SOHLH2: variants seen among roughly 807,000 people sequenced by gnomAD.
The protein encoded by SOHLH2 is spermatogenesis and oogenesis specific basic helix-loop-helix 2.
In SOHLH2, 22 loss-of-function variants were observed where a neutral mutation model predicts 50.4. The ratio of observed to expected loss-of-function variants is 0.44; its 90% confidence interval spans 0.31 to 0.62. The LOEUF (loss-of-function observed/expected upper bound fraction) is 0.62. Ranked by LOEUF, SOHLH2 falls within the 20% of genes least tolerant of loss-of-function variation. The pLI, the probability that SOHLH2 is intolerant of heterozygous loss-of-function variation, is 0.08. For missense variants in SOHLH2, 412 were observed against 504.4 expected (o/e 0.82, Z 1.76); for synonymous variants, 185 against 187.3 (o/e 0.99, Z 0.10).
Position 36,189,935 on chromosome 13 carries a change from T to C in SOHLH2, c.641+11A>G, listed in dbSNP as rs1887527668. The C allele has an allele frequency of 6.3e-7, 1 of 1,582,968 alleles. No individual in the cohort carries two copies. Among genetic ancestry groups the C allele is most frequent in the Non-Finnish European group, 8.6e-7 (1 of 1,165,122 alleles). On this transcript the variant is annotated intron_variant, in intron 6 of 10. Transcript: ENST00000379881. ...AGAATAATGCTTAAAAAGTGCTATATTAAAATTCACCTTCTTAGTTTTTCC... is the reference window on the plus strand; with the variant it reads ...AGAATAATGCTTAAAAAGTGCTATACTAAAATTCACCTTCTTAGTTTTTCC...
chr13:36,191,080 A>G (rs1480124408), intron 5 of SOHLH2, among the ~76,000 whole-genome samples: 1 of 152,172 alleles, frequency 6.6e-6, no homozygotes, highest in Non-Finnish European at 1.5e-5. Context: ...CTTGGAAATC[A>G]GCTTAAAGTG....
intron 5 of SOHLH2, among the ~76,000 whole-genome samples, chr13:36,190,372 A>G (rs978846786): frequency 1.3e-5 from 2 of 152,222 alleles, no homozygotes; most frequent in African/African-American, 4.8e-5. Flanking sequence ...ATATTATATG[A>G]CTATGCACCC....
chr13:36,210,561 T>G (rs1291253785), intron 1 of SOHLH2, among the ~76,000 whole-genome samples: 1 of 152,188 alleles, frequency 6.6e-6, no homozygotes, highest in African/African-American at 2.4e-5. Flanking sequence ...CCTGCCTTCT[T>G]ATTTTTCCAT....
At position 36,191,804 on chromosome 13, in the gene SOHLH2, AG is replaced by A. The variant is rs1787324062; in HGVS notation, c.520del (p.Leu174TyrfsTer8). ...AGAACAAAAAACTAACCAGGCAAAT[AG>A]ATCAGTAGGAAAATATCCCAGGTGT... ...SEHLGYFPTD[L>X]FACSESLRNG... is the part of the protein sequence containing the mutation. On this transcript the variant is annotated frameshift_variant, in exon 5 of 11. Coordinates refer to ENST00000379881, the MANE Select transcript of SOHLH2 (RefSeq NM_017826.3). LOFTEE classifies it high-confidence loss of function. The A allele has an allele frequency of 6.2e-7, 1 of 1,613,754 alleles. No individual in the cohort carries two copies. Among genetic ancestry groups the A allele is most frequent in the Non-Finnish European group, 8.5e-7 (1 of 1,179,812 alleles).
intron 9 of SOHLH2, 61 bp downstream of exon 9, chr13:36,173,631 G>A: frequency 3.8e-6 from 6 of 1,594,944 alleles, no homozygotes; most frequent in Non-Finnish European, 4.3e-6. Flanking sequence ...ACAGGAGCCT[G>A]GGGGTTTGCA....
At chr13:36,196,098 AGAT>A (rs1887716444) in intron 2 of SOHLH2, among the ~76,000 whole-genome samples, 1 of 40,072 alleles carries the variant, frequency 2.5e-5, no homozygotes, top group Admixed American at 2.6e-4. Flanking sequence ...ACAGACAGAA[AGAT>A]AGATAGATAG....
intron 9 of SOHLH2, 97 bp downstream of exon 9, chr13:36,173,595 G>A: frequency 7.0e-7 from 1 of 1,427,320 alleles, no homozygotes; most frequent in Non-Finnish European, 9.8e-7. Flanking sequence ...AGCTCTCCTG[G>A]ATTCCCTGGT....
intron 6 of SOHLH2, among the ~76,000 whole-genome samples, chr13:36,178,228 T>G (rs565253224): frequency 6.6e-6 from 1 of 152,242 alleles, no homozygotes; most frequent in Non-Finnish European, 1.5e-5. Context: ...CTGAATAGTG[T>G]CATCCTAGAA....
Position 36,174,860 on chromosome 13 carries a change from G to T in SOHLH2, c.651C>A (p.Ile217=), listed in dbSNP as rs750479049. The T allele has an allele frequency of 1.1e-5, 17 of 1,574,710 alleles. 1 individual carries two copies. The South Asian group carries it at 2.0e-4, about 19-fold the overall frequency. ...TACGCAGCTGCTCACAGCAATATTTGATTCTTTCCCTGGACACAGAATTGC... is the reference window on the plus strand; with the variant it reads ...TACGCAGCTGCTCACAGCAATATTTTATTCTTTCCCTGGACACAGAATTGC... ...SSKEKLRRER[I]KYCCEQLRTL... The change falls in exon 7 of 11, where the codon ATC becomes ATA. Residue 217 remains isoleucine, a synonymous_variant. Coordinates refer to ENST00000379881, the MANE Select transcript of SOHLH2 (RefSeq NM_017826.3).
intron 9 of SOHLH2, among the ~76,000 whole-genome samples, chr13:36,171,113 A>C (rs761472723): frequency 1.4e-4 from 21 of 152,222 alleles, no homozygotes; most frequent in Admixed American, 8.5e-4. Flanking sequence ...TGGAAAGAAC[A>C]ACTCCATTCA....
chr13:36,191,968 C>A (rs1401889470), intron 4 of SOHLH2, 74 bp from the exon 5 acceptor site: 1 of 1,506,974 alleles, frequency 6.6e-7, no homozygotes, highest in Non-Finnish European at 9.2e-7. Flanking sequence ...ACACACAAGC[C>A]CCAATCCTTA....
At position 36,170,468 on chromosome 13, in the gene SOHLH2, C is replaced by A. The variant is rs1272338877; in HGVS notation, c.1257+63G>T. On this transcript the variant is annotated intron_variant, in intron 10 of 10. Coordinates refer to ENST00000379881, the MANE Select transcript of SOHLH2 (RefSeq NM_017826.3). ...CAGAGTAGCAACAACAAATGCAGGT[C>A]AGGGGTTTCTGCTGGCTGGAGTGAA... The A allele has an allele frequency of 5.1e-6, 8 of 1,555,384 alleles. No individual in the cohort carries two copies. In the African/African-American group the frequency reaches 1.1e-4, roughly 21 times the overall value.
At chr13:36,193,997 T>C in intron 2 of SOHLH2, 130 bp from the exon 3 acceptor site, 1 of 784,076 alleles carries the variant, frequency 1.3e-6, no homozygotes, top group Non-Finnish European at 1.9e-6. Flanking sequence ...AATAATATCA[T>C]TAATATGGAA....
At chr13:36,181,302 T>C (rs1887249529) in intron 6 of SOHLH2, among the ~76,000 whole-genome samples, 1 of 152,172 alleles carries the variant, frequency 6.6e-6, no homozygotes, top group South Asian at 2.1e-4. Flanking sequence ...TGTTTGTTTT[T>C]ATCTATTCTG....
chr13:36,170,925 A>T, intron 9 of SOHLH2, 138 bp from the exon 10 acceptor site: 1 of 1,358,986 alleles, frequency 7.4e-7, no homozygotes, highest in Non-Finnish European at 9.8e-7. Flanking sequence ...CCGAATGCTG[A>T]TGGAAAAACA....
chr13:36,214,180 C>A (rs1475703265), intron 1 of SOHLH2, among the ~76,000 whole-genome samples: 1 of 152,052 alleles, frequency 6.6e-6, no homozygotes, highest in Non-Finnish European at 1.5e-5. Flanking sequence ...CGATTCAGTT[C>A]TCTTTCTTCC....
chr13:36,192,751 T>G (rs79071676), intron 4 of SOHLH2, among the ~76,000 whole-genome samples: 2,827 of 152,304 alleles, frequency 0.019, 75 homozygotes, highest in African/African-American at 0.065. Context: ...TTGACATATC[T>G]ATCACGTCAC....
At chr13:36,199,808 G>A (rs935196335) in intron 2 of SOHLH2, among the ~76,000 whole-genome samples, 4 of 152,238 alleles carry the variant, frequency 2.6e-5, no homozygotes, top group Admixed American at 6.5e-5. Flanking sequence ...TTCAAAAGGT[G>A]GCTCTGATAG....
chr13:36,202,204 T>C, intron 1 of SOHLH2, 111 bp from the exon 2 acceptor site: 1 of 1,336,644 alleles, frequency 7.5e-7, no homozygotes, highest in Non-Finnish European at 1.0e-6. Flanking sequence ...AACAATTGAC[T>C]CCATATCTAG....
Sources: allele counts gnomAD v4.1 joint callset (sites outside exome capture counted in the v4.1 genomes callset), GRCh38; gene constraint gnomAD v4.1.1; transcripts MANE v1.5; gene names NCBI Gene and HGNC (gene_info 2026-07-23, HGNC 2026-07-21).